Variants in CDIN1 observed in about 807,000 individuals in gnomAD.
CDIN1 encodes CDAN1 interacting nuclease 1, also known as CDAN1-interacting nuclease 1.
A neutral mutation model predicts 45.3 loss-of-function variants in CDIN1; 33 were observed. The ratio of observed to expected loss-of-function variants is 0.73; its 90% CI spans 0.55 to 0.97. The LOEUF is 0.97. Ranked by LOEUF, CDIN1 falls within the 50% of genes least tolerant of loss-of-function variation. The pLI is 0.00. For synonymous variants in CDIN1, 118 were observed against 124.4 expected, an observed-to-expected ratio of 0.95 and a Z score of 0.34; for missense variants, 303 against 339.4, an observed-to-expected ratio of 0.89 and a Z score of 0.84.
chr15:36,689,304 A>T (rs1429996386), intron 5 of CDIN1, among the ~76,000 whole-genome samples: 3 of 152,012 alleles, frequency 2.0e-5, no homozygotes, highest in Non-Finnish European at 2.9e-5. Context: ...TTCTTTTTTT[A>T]AAAAACAGCC....
At chr15:36,804,304 C>T (rs1001552914) in intron 10 of CDIN1, among the ~76,000 whole-genome samples, 1 of 152,136 alleles carries the variant, frequency 6.6e-6, no homozygotes, top group African/African-American at 2.4e-5. Context: ...CACTAGTGTG[C>T]TCACTCTGGT....
intron 1 of CDIN1, among the ~76,000 whole-genome samples, chr15:36,625,249 C>G (rs915590294): frequency 3.3e-5 from 5 of 151,546 alleles, no homozygotes; most frequent in Admixed American, 6.6e-5. Flanking sequence ...CCACTGCACT[C>G]CAGCCTGGAC....
At chr15:36,645,141 C>T in intron 2 of CDIN1, 82 bp from the exon 3 acceptor site, 1 of 1,168,294 alleles carries the variant, frequency 8.6e-7, no homozygotes, top group Non-Finnish European at 1.2e-6. Flanking sequence ...TCACTGGGCT[C>T]AAGAAATAAT....
chr15:36,691,614 T>C (rs2042253222), intron 5 of CDIN1, 71 bp from the exon 6 acceptor site: 6 of 951,634 alleles, frequency 6.3e-6, no homozygotes, highest in South Asian at 1.5e-5. Flanking sequence ...TATGTAGATA[T>C]ATGTCACTCC....
At chr15:36,618,761 CA>C (rs34933565) in intron 1 of CDIN1, 52,624 of 588,420 alleles carry the variant, frequency 0.089, 31 homozygotes, top group East Asian at 0.11. Flanking sequence ...ACAACTCAGC[CA>C]AAAAAAAAAA....
At chr15:36,620,575 T>G (rs1266184681) in intron 1 of CDIN1, among the ~76,000 whole-genome samples, 1 of 152,140 alleles carries the variant, frequency 6.6e-6, no homozygotes, top group African/African-American at 2.4e-5. Flanking sequence ...TGTCATTGCT[T>G]TGACCAGTCT....
At chr15:36,639,388 T>A (rs1433073317) in intron 1 of CDIN1, among the ~76,000 whole-genome samples, 3 of 152,192 alleles carry the variant, frequency 2.0e-5, no homozygotes, top group Non-Finnish European at 4.4e-5. Context: ...GGGGATCACT[T>A]GAGGTCAGGA....
At chr15:36,595,327 ATAATATAAT>A (rs1365813049) in intron 1 of CDIN1, among the ~76,000 whole-genome samples, 24 of 147,788 alleles carry the variant, frequency 1.6e-4, no homozygotes, top group Non-Finnish European at 1.5e-5. Context: ...ATAATATAAT[ATAATATAAT>A]ATAAAATAAT....
At chr15:36,609,274 C>T (rs2038533006) in intron 1 of CDIN1, among the ~76,000 whole-genome samples, 1 of 152,160 alleles carries the variant, frequency 6.6e-6, no homozygotes, top group African/African-American at 2.4e-5. Flanking sequence ...CCTTGGCCTC[C>T]CAAAGTTTTG....
intron 1 of CDIN1, among the ~76,000 whole-genome samples, chr15:36,637,414 T>C (rs924083007): frequency 2.6e-4 from 39 of 152,348 alleles, no homozygotes; most frequent in Non-Finnish European, 4.4e-5. Flanking sequence ...GAAAAAACTT[T>C]TGTACTTCAA....
chr15:36,624,263 C>G (rs1041389515), intron 1 of CDIN1, among the ~76,000 whole-genome samples: 2 of 152,112 alleles, frequency 1.3e-5, no homozygotes, highest in African/African-American at 4.8e-5. Flanking sequence ...TTGTAGCCAT[C>G]TAAGATTGGA....
At chr15:36,766,969 T>G (rs1293248340) in intron 10 of CDIN1, among the ~76,000 whole-genome samples, 1 of 152,222 alleles carries the variant, frequency 6.6e-6, no homozygotes, top group Non-Finnish European at 1.5e-5. Flanking sequence ...TTTTTGCTTT[T>G]GTTACCTGTG....
chr15:36,768,336 C>T (rs549044472), intron 10 of CDIN1, among the ~76,000 whole-genome samples: 15 of 152,348 alleles, frequency 9.8e-5, no homozygotes, highest in African/African-American at 3.1e-4. Context: ...CTGGGCCTCA[C>T]TGTCTTAGTT....
At chr15:36,687,582 A>G (rs768479645) in intron 5 of CDIN1, among the ~76,000 whole-genome samples, 3 of 152,220 alleles carry the variant, frequency 2.0e-5, no homozygotes, top group African/African-American at 7.2e-5. Context: ...AATTCAGTGT[A>G]TAACAACTGA....
intron 10 of CDIN1, among the ~76,000 whole-genome samples, chr15:36,738,980 A>G (rs954191241): frequency 6.6e-6 from 1 of 152,260 alleles, no homozygotes; most frequent in African/African-American, 2.4e-5. Flanking sequence ...TAATAGCACA[A>G]ACTGCTAATG....
At chr15:36,633,135 A>G (rs571892718) in intron 1 of CDIN1, among the ~76,000 whole-genome samples, 2 of 152,306 alleles carry the variant, frequency 1.3e-5, no homozygotes, top group African/African-American at 4.8e-5. Context: ...TTTGTTATAA[A>G]ATATAGCACA....
intron 10 of CDIN1, among the ~76,000 whole-genome samples, chr15:36,757,534 G>A (rs1901726): frequency 0.42 from 64,327 of 152,026 alleles, 14,155 homozygotes; most frequent in Non-Finnish European, 0.45. Flanking sequence ...TCCAGAAATA[G>A]ACCACTGATA....
At chr15:36,607,444 A>G (rs2038429221) in intron 1 of CDIN1, among the ~76,000 whole-genome samples, 1 of 152,182 alleles carries the variant, frequency 6.6e-6, no homozygotes, top group South Asian at 2.1e-4. Context: ...ACATGCCTTA[A>G]GTTTTCTGAT....
intron 10 of CDIN1, among the ~76,000 whole-genome samples, chr15:36,788,095 T>C (rs1473342631): frequency 2.9e-5 from 1 of 34,288 alleles, no homozygotes; most frequent in Non-Finnish European, 5.3e-5. Context: ...TATATATATA[T>C]ATATATATAT....
Sources: gnomAD v4.1 joint callset for allele counts (sites outside exome capture counted in the v4.1 genomes callset) on GRCh38, gnomAD v4.1.1 for gene constraint, MANE v1.5 for transcripts, NCBI Gene and HGNC (gene_info 2026-07-23, HGNC 2026-07-21) for gene names.